The following POFUT1 variants were observed in gnomAD, a reference collection of about 807,000 sequenced individuals.
POFUT1 encodes the protein GDP-fucose protein O-fucosyltransferase 1.
In POFUT1, 16 loss-of-function variants were observed where a neutral mutation model predicts 42.4. The observed-to-expected ratio is 0.38, with a 90% CI of 0.26 to 0.57. The LOEUF (loss-of-function observed/expected upper bound fraction) is 0.57, where lower values mean the gene tolerates loss of function less well. POFUT1 is among the 20% of genes least tolerant of loss of function. POFUT1 has a pLI of 0.71. For synonymous variants in POFUT1, 206 were observed against 205.4 expected (o/e 1.00, Z -0.03); for missense variants, 470 against 504.6 (o/e 0.93, Z 0.66).
intron 4 of POFUT1, chr20:32,223,537 A>G (rs894063709): frequency 2.0e-6 from 2 of 982,334 alleles, no homozygotes; most frequent in African/African-American, 1.8e-5. Flanking sequence ...TTATCCTGAT[A>G]TTCCAGCCCC....
rs886917148 is a variant in POFUT1 at position 32,237,367 on chromosome 20, G to C, written c.*2706G>C. The C allele has an allele frequency of 1.2e-5, 2 of 163,682 alleles. No individual in the cohort carries two copies. Among genetic ancestry groups the C allele is most frequent in the South Asian group, 1.6e-4 (1 of 6,188 alleles). 10.1% of individuals were successfully genotyped at this position (163,682 alleles called of 1,614,324 possible). On this transcript the variant is annotated 3_prime_UTR_variant, in exon 7 of 7. Transcript: ENST00000375749. ...TAAGTGCTATAAAGAAATATAAAGG[G>C]TTTGGGAGCAAAAAGAGGGAGTGGA...
chr20:32,228,282 C>A lies in POFUT1; in HGVS notation c.562C>A (p.Pro188Thr). Reference protein sequence around the residue: ...WSQRFSPKEHPVLALPGAPAQ... With the variant: ...WSQRFSPKEHTVLALPGAPAQ... ...GTCTAGATTTTCTCCAAAGGAACAT[C>A]CGGTGCTTGCCCTGCCAGGAGCCCC... The change falls in exon 5 of 7, where the codon CCG (proline) becomes ACG (threonine). Residue 188 changes from proline to threonine, a missense_variant. Pro to Thr is a conservative substitution (Grantham distance 38). Coordinates refer to ENST00000375749, the MANE Select transcript of POFUT1 (RefSeq NM_015352.2). 6.2e-7 allele frequency: 1 copy of A among 1,613,650 alleles called. No individual in the cohort carries two copies.
chr20:32,214,246 T>C (rs1053251844), intron 2 of POFUT1, among the ~76,000 whole-genome samples: 3 of 152,008 alleles, frequency 2.0e-5, no homozygotes, highest in African/African-American at 7.3e-5. Flanking sequence ...CATCTCAGCC[T>C]CCCTAGTAGC....
chr20:32,215,821 A>T (rs952062621), intron 3 of POFUT1, among the ~76,000 whole-genome samples: 15 of 152,200 alleles, frequency 9.9e-5, no homozygotes, highest in African/African-American at 3.6e-4. Flanking sequence ...CTTTACATGT[A>T]TCAACTCATT....
intron 5 of POFUT1, among the ~76,000 whole-genome samples, chr20:32,229,551 G>A (rs973971798): frequency 3.9e-5 from 6 of 152,128 alleles, no homozygotes; most frequent in African/African-American, 1.4e-4. Context: ...GCTATCTCTC[G>A]AAACCACAGC....
At chr20:32,217,207 T>C (rs2122574985) in intron 4 of POFUT1, 5 of 1,431,336 alleles carry the variant, frequency 3.5e-6, no homozygotes, top group Non-Finnish European at 4.6e-6. Context: ...GAAACATTTA[T>C]AGGGCGCCTG....
At chr20:32,218,015 A>G (rs6058551) in intron 4 of POFUT1, 1 of 152,336 alleles carries the variant, frequency 6.6e-6, no homozygotes, top group African/African-American at 2.4e-5. Flanking sequence ...TGTTACTGCC[A>G]TCTGTGCTTT....
chr20:32,237,641 A>T lies in POFUT1; in HGVS notation c.*2980A>T. 3.0e-6 allele frequency: 1 copy of T among 330,166 alleles called. No homozygotes were observed. 20.5% of individuals were successfully genotyped at this position (330,166 alleles called of 1,614,324 possible). A position where few individuals can be genotyped will look rare whatever the true frequency, so the allele number is the denominator to read the frequency against. On this transcript the variant is annotated 3_prime_UTR_variant, in exon 7 of 7. Coordinates refer to ENST00000375749, the MANE Select transcript of POFUT1 (RefSeq NM_015352.2). The stretch of plus-strand genomic sequence containing the variant: ...TGGCAGGAAGCTTTTAGTTGGAGAG[A>T]TACAGGAAGCCTCCTAGGGTTCTGA...
At chr20:32,217,081 A>C (rs775024991) in intron 4 of POFUT1, 1 of 1,612,374 alleles carries the variant, frequency 6.2e-7, no homozygotes. Flanking sequence ...GAACAGCTTC[A>C]GGTGCAGACC....
intron 4 of POFUT1, among the ~76,000 whole-genome samples, chr20:32,221,271 A>G (rs560438222): frequency 1.8e-4 from 27 of 152,248 alleles, no homozygotes; most frequent in African/African-American, 6.0e-4. Context: ...CCTTGGGGAG[A>G]AGAGAAGAAT....
At chr20:32,232,351 A>G (rs552851751) in intron 6 of POFUT1, among the ~76,000 whole-genome samples, 17 of 152,242 alleles carry the variant, frequency 1.1e-4, no homozygotes, top group South Asian at 4.1e-4. Context: ...AGAAAAATAT[A>G]ATTAAGAGAA....
Position 32,235,347 on chromosome 20 carries a change from G to C in POFUT1, c.*686G>C, listed in dbSNP as rs1252787121. On this transcript the variant is annotated 3_prime_UTR_variant, in exon 7 of 7. Coordinates refer to ENST00000375749, the MANE Select transcript of POFUT1 (RefSeq NM_015352.2). Reference sequence around the variant, plus strand: ...CTGTGGGCGACTAAGTGCCACTCACGCAGCATGTTCCTGGCAAGGAGCACA... The same window carrying C: ...CTGTGGGCGACTAAGTGCCACTCACCCAGCATGTTCCTGGCAAGGAGCACA... 1 of 152,688 alleles carries C rather than the reference G, an allele frequency of 6.5e-6. No homozygotes were observed. The highest frequency in any genetic ancestry group is 1.5e-5 in the Non-Finnish European group (1 of 68,106). 9.5% of individuals were successfully genotyped at this position (152,688 alleles called of 1,614,324 possible).
chr20:32,223,820 G>A (rs1156515200), intron 4 of POFUT1: 4 of 367,150 alleles, frequency 1.1e-5, no homozygotes, highest in Non-Finnish European at 1.5e-5. Flanking sequence ...CAAGGGTGGG[G>A]GAGATGGGAG....
At chr20:32,210,797 T>C (rs958141283) in intron 2 of POFUT1, among the ~76,000 whole-genome samples, 5 of 152,260 alleles carry the variant, frequency 3.3e-5, no homozygotes, top group Non-Finnish European at 5.9e-5. Flanking sequence ...GTTGTTCATA[T>C]TGTATCTCCC....
rs756250789 is a variant in POFUT1, at chr20:32,230,804, C to T, written c.736-15C>T. ...GCAGTTGCCAGTATTTAACCCTGTT[C>T]CCCGCTCTCCGTAGAAGAACGCCTG... is the stretch of plus-strand genomic sequence containing the variant. On this transcript the variant is annotated splice_polypyrimidine_tract_variant and intron_variant, in intron 5 of 6. Coordinates refer to ENST00000375749, the MANE Select transcript of POFUT1 (RefSeq NM_015352.2). 5.6e-6 allele frequency: 9 copies of T among 1,611,032 alleles called. No homozygotes were observed. In the East Asian group the frequency reaches 6.7e-5, roughly 12 times the overall value.
Position 32,230,883 on chromosome 20 carries a change from G to A in POFUT1, c.800G>A (p.Cys267Tyr). 2 of 1,614,210 alleles carry A rather than the reference G, an allele frequency of 1.2e-6. No homozygotes were observed. Among genetic ancestry groups the A allele is most frequent in the Non-Finnish European group, 1.7e-6 (2 of 1,180,046 alleles). ...TCGCACTTCATGGCCTCTCCGCAGT[G>A]TGTGGGCTACAGCCGCAGCACAGCG... ...AGSHFMASPQ[C>Y]VGYSRSTAAP... Residue 267 changes from cysteine to tyrosine, a missense_variant, in exon 6 of 7, where the codon TGT becomes TAT. Physicochemically the swap from Cys to Tyr is radical, Grantham distance 194 (BLOSUM62 -2). Transcript: ENST00000375749.
chr20:32,208,368 C>T (rs2122557786), intron 1 of POFUT1, among the ~76,000 whole-genome samples: 2 of 152,234 alleles, frequency 1.3e-5, no homozygotes, highest in Admixed American at 6.5e-5. Context: ...CACTGACCCA[C>T]GCTGGCTCCT....
chr20:32,235,994 T>C lies in POFUT1; in HGVS notation c.*1333T>C, dbSNP rs896934337. ...CTGGTTCAGAGCTCAGAGGTCACAC[T>C]GTATCAAAGATCTCAAACAGCAAAG... On this transcript the variant is annotated 3_prime_UTR_variant, in exon 7 of 7. Transcript: ENST00000375749. 6.6e-6 allele frequency: 1 copy of C among 152,270 alleles called. No homozygotes were observed. The highest frequency in any genetic ancestry group is 1.5e-5 in the Non-Finnish European group (1 of 68,064). The allele number at this position is 152,270 out of a possible 1,614,324, so 9.4% of individuals were successfully genotyped here.
At chr20:32,228,491 G>A (rs1010769327) in intron 5 of POFUT1, 36 bp downstream of exon 5, 2 of 1,586,866 alleles carry the variant, frequency 1.3e-6, no homozygotes, top group African/African-American at 1.3e-5. Flanking sequence ...GGCTAACTTG[G>A]ATGTGTCCCT....
Sources: allele counts gnomAD v4.1 joint callset (sites outside exome capture counted in the v4.1 genomes callset), GRCh38; gene constraint gnomAD v4.1.1; transcripts MANE v1.5; gene names NCBI Gene and HGNC (gene_info 2026-07-23, HGNC 2026-07-21).